The following PEX1 variants were observed in gnomAD, a reference collection of about 807,000 sequenced individuals.
The protein encoded by PEX1 is peroxisomal biogenesis factor 1, also known as peroxisomal ATPase PEX1.
Under a neutral mutation model 152.5 loss-of-function variants are expected in PEX1, and 97 were observed. The ratio of observed to expected loss-of-function variants is 0.64; its 90% CI spans 0.54 to 0.75. PEX1 has a LOEUF of 0.75. PEX1 is among the 30% of genes least tolerant of loss of function. The probability of loss-of-function intolerance (pLI) is 0.00; values close to 1 mark genes in which losing one functional copy is unlikely to be tolerated. For synonymous variants in PEX1, 485 were observed against 531.6 expected (o/e 0.91, Z 1.21); for missense variants, 1,357 against 1,516.3 (o/e 0.89, Z 1.74).
chr7:92,502,751 T>G (rs1169076183), intron 13 of PEX1, among the ~76,000 whole-genome samples: 2 of 152,200 alleles, frequency 1.3e-5, no homozygotes, highest in Non-Finnish European at 2.9e-5. Flanking sequence ...AAAAAAAAAG[T>G]TTAATTAATG....
In PEX1 at chr7:92,494,567, C is replaced by T. The variant is rs61750425; in HGVS notation, c.2846G>A (p.Arg949Gln). The T allele has an allele frequency of 2.9e-5, 46 of 1,613,738 alleles. No homozygotes were observed. Among genetic ancestry groups the T allele is most frequent in the Non-Finnish European group, 3.6e-5 (42 of 1,179,794 alleles). ...TGTAACTCCTGTATTATCATGACCCCGCCGAGGAGCAATGGATTCAAATTC... is the reference window on the plus strand; with the variant it reads ...TGTAACTCCTGTATTATCATGACCCTGCCGAGGAGCAATGGATTCAAATTC... Reference protein sequence around the residue: ...FDEFESIAPRRGHDNTGVTDR... With the variant: ...FDEFESIAPRQGHDNTGVTDR... The change falls in exon 18 of 24, where the codon CGG (arginine) becomes CAG (glutamine). Residue 949 changes from arginine (R) to glutamine (Q), a missense_variant. By Grantham distance (43) the Arg-to-Gln change is conservative. Coordinates refer to ENST00000248633, the MANE Select transcript of PEX1 (RefSeq NM_000466.3).
intron 2 of PEX1, among the ~76,000 whole-genome samples, chr7:92,520,645 G>T (rs1793008541): frequency 3.3e-5 from 5 of 152,150 alleles, no homozygotes; most frequent in African/African-American, 1.2e-4. Flanking sequence ...AGAAGCTAAG[G>T]ACTCCTGGCC....
At chr7:92,521,943 A>G (rs913997431) in intron 2 of PEX1, among the ~76,000 whole-genome samples, 159 bp downstream of exon 2, 1 of 152,194 alleles carries the variant, frequency 6.6e-6, no homozygotes, top group African/African-American at 2.4e-5. Context: ...ACCTAAAAAC[A>G]GAGTATAGTC....
chr7:92,502,066 T>C lies in PEX1; in HGVS notation c.2240A>G (p.Glu747Gly), dbSNP rs200207576. The C allele has an allele frequency of 3.7e-6, 6 of 1,603,764 alleles. No homozygotes were observed. The highest frequency in any genetic ancestry group is 5.1e-6 in the Non-Finnish European group (6 of 1,171,458). ...ATTTTTTATTACATTACACAGAATT[T>C]CACATCTTTGTTCCTAAAGAAAAAA... is the stretch of plus-strand genomic sequence containing the variant. ...IQPPNQEQRC[E>G]ILCNVIKNKL... is the part of the protein sequence containing the mutation. Residue 747 changes from glutamate (E) to glycine (G), a missense_variant, in exon 14 of 24, where the codon GAA becomes GGA. Glu to Gly is a moderately conservative substitution (Grantham distance 98). Transcript: ENST00000248633.
intron 5 of PEX1, 81 bp from the exon 6 acceptor site, chr7:92,514,048 T>C (rs905056920): frequency 1.1e-6 from 1 of 889,558 alleles, no homozygotes; most frequent in African/African-American, 1.7e-5. Flanking sequence ...TATTGATATA[T>C]TAGCTTCTAT....
In PEX1 at chr7:92,494,554, A is replaced by T; in HGVS notation, c.2859T>A (p.Asn953Lys). ...ESIAPRRGHD[N>K]TGVTDRVVNQ... is the part of the protein sequence containing the mutation. ...TAACTACTCGGTCTGTAACTCCTGT[A>T]TTATCATGACCCCGCCGAGGAGCAA... The change falls in exon 18 of 24, where the codon AAT (asparagine) becomes AAA (lysine). Residue 953 changes from asparagine to lysine, a missense_variant. By Grantham distance (94) the Asn-to-Lys change is moderately conservative. Coordinates refer to ENST00000248633, the MANE Select transcript of PEX1 (RefSeq NM_000466.3). 1 of 1,613,914 alleles carries T rather than the reference A, an allele frequency of 6.2e-7. No individual in the cohort carries two copies. Among genetic ancestry groups the T allele is most frequent in the Non-Finnish European group, 8.5e-7 (1 of 1,179,794 alleles).
chr7:92,502,104 A>T (rs1408253021), intron 13 of PEX1, 25 bp from the exon 14 acceptor site: 5 of 1,465,824 alleles, frequency 3.4e-6, no homozygotes, highest in Non-Finnish European at 4.8e-6. Flanking sequence ...ACAAAATTCG[A>T]ATTTCCAATT....
At chr7:92,527,740 G>C (rs2116294049) in intron 1 of PEX1, among the ~76,000 whole-genome samples, 1 of 152,306 alleles carries the variant, frequency 6.6e-6, no homozygotes. Context: ...CGTCCAGAAG[G>C]GCGACTGATC....
rs542902619 is a variant in PEX1 at position 92,520,315 on chromosome 7, A to C, written c.274-1237T>G. ...CAAAGCACCAAAGTTAATGATTTCT[A>C]AGGTCCGTCTGGTGCTAAAATTTTA... On this transcript the variant is annotated intron_variant, in intron 2 of 23. Coordinates refer to ENST00000248633, the MANE Select transcript of PEX1 (RefSeq NM_000466.3). Among the ~76,000 whole-genome samples, 56 of 152,286 alleles carry C rather than the reference A, an allele frequency of 3.7e-4. 1 individual carries two copies. In the South Asian group the frequency reaches 0.011, roughly 29 times the overall value.
chr7:92,518,723 C>A (rs997458179), intron 3 of PEX1, among the ~76,000 whole-genome samples: 1 of 152,158 alleles, frequency 6.6e-6, no homozygotes, highest in Non-Finnish European at 1.5e-5. Context: ...GCATGCACTA[C>A]CATGCCTGGC....
intron 8 of PEX1, among the ~76,000 whole-genome samples, chr7:92,509,938 G>A (rs1394367991): frequency 2.0e-5 from 3 of 152,130 alleles, no homozygotes; most frequent in Non-Finnish European, 4.4e-5. Context: ...GAGGTCAGGA[G>A]TTCAAGAGCA....
At chr7:92,519,895 A>T (rs1394121499) in intron 2 of PEX1, among the ~76,000 whole-genome samples, 1 of 152,070 alleles carries the variant, frequency 6.6e-6, no homozygotes, top group Non-Finnish European at 1.5e-5. Flanking sequence ...CATGTTAAAT[A>T]CTCTAGGTAA....
intron 19 of PEX1, 34 bp from the exon 20 acceptor site, chr7:92,493,163 A>T (rs536193222): frequency 8.5e-7 from 1 of 1,180,156 alleles, no homozygotes; most frequent in Non-Finnish European, 1.2e-6. Context: ...ACAAATAAAA[A>T]ATAAAATTAA....
intron 5 of PEX1, 136 bp downstream of exon 5, chr7:92,517,140 G>A (rs759218044): frequency 3.5e-5 from 25 of 715,766 alleles, no homozygotes; most frequent in Non-Finnish European, 5.1e-5. Context: ...GCGTAAATGT[G>A]TCCCCCAAGT....
chr7:92,521,600 A>G (rs951117607), intron 2 of PEX1, among the ~76,000 whole-genome samples: 1 of 152,038 alleles, frequency 6.6e-6, no homozygotes, highest in Admixed American at 6.6e-5. Flanking sequence ...ATGCCCAGCT[A>G]ATTTTTGAAT....
At chr7:92,492,134 C>A (rs1791364827) in intron 20 of PEX1, among the ~76,000 whole-genome samples, 1 of 152,066 alleles carries the variant, frequency 6.6e-6, no homozygotes, top group Non-Finnish European at 1.5e-5. Context: ...ACAGAAAGTA[C>A]AAGATAAACC....
rs1307975412 is a variant in PEX1 at position 92,528,447 on chromosome 7, G to C, written c.-12C>G. 2 of 1,574,932 alleles carry C rather than the reference G, an allele frequency of 1.3e-6. No homozygotes were observed. The highest frequency in any genetic ancestry group is 1.3e-5 in the African/African-American group (1 of 74,180). On this transcript the variant is annotated 5_prime_UTR_variant, in exon 1 of 24. Coordinates refer to ENST00000248633, the MANE Select transcript of PEX1 (RefSeq NM_000466.3). ...TCGCTGCCCCACATCGTCCCGGAGCGTCGCTCTGGGTTCGCCCACCCTAGC... is the reference window on the plus strand; with the variant it reads ...TCGCTGCCCCACATCGTCCCGGAGCCTCGCTCTGGGTTCGCCCACCCTAGC...
intron 4 of PEX1, 34 bp downstream of exon 4, chr7:92,518,107 A>T (rs2116248261): frequency 2.5e-6 from 4 of 1,604,016 alleles, no homozygotes; most frequent in Non-Finnish European, 3.4e-6. Context: ...GCTATAGTGT[A>T]GAATATGACA....
Position 92,492,934 on chromosome 7 carries a change from A to G in PEX1, c.3207+19T>C, listed in dbSNP as rs1234374914. The G allele has an allele frequency of 6.3e-7, 1 of 1,595,994 alleles. No homozygotes were observed. The highest frequency in any genetic ancestry group is 1.3e-5 in the African/African-American group (1 of 74,562). ...TTATCACTCATAAAATGTCATAACA[A>G]CTTCCTCATATAACTTGCCTGGAGT... On this transcript the variant is annotated intron_variant, in intron 20 of 23. Coordinates refer to ENST00000248633, the MANE Select transcript of PEX1 (RefSeq NM_000466.3).
Sources: gnomAD v4.1 joint callset for allele counts (sites outside exome capture counted in the v4.1 genomes callset) on GRCh38, gnomAD v4.1.1 for gene constraint, MANE v1.5 for transcripts, NCBI Gene and HGNC (gene_info 2026-07-23, HGNC 2026-07-21) for gene names.